Variants in IL1RAPL2 observed in about 807,000 individuals in gnomAD.
IL1RAPL2 encodes the protein X-linked interleukin-1 receptor accessory protein-like 2.
In IL1RAPL2, 3 loss-of-function variants were observed where a neutral mutation model predicts 44.1. The observed-to-expected ratio is 0.07, with a 90% confidence interval of 0.03 to 0.18. The LOEUF is 0.18. Among genes scored for constraint, IL1RAPL2 ranks in the 10% least tolerant of loss-of-function variants. The pLI is 1.00. For missense variants in IL1RAPL2, 391 were observed against 496.4 expected, an observed-to-expected ratio of 0.79 and a Z score of 2.02; for synonymous variants, 181 against 178.8, an observed-to-expected ratio of 1.01 and a Z score of -0.10.
chrX:104,844,690 C>T (rs192540821), intron 2 of IL1RAPL2, among the ~76,000 whole-genome samples: 1 of 112,154 alleles, frequency 8.9e-6, no homozygotes, highest in Admixed American at 9.5e-5. Flanking sequence ...GAGCTTCATT[C>T]ATAACCATCT....
intron 2 of IL1RAPL2, among the ~76,000 whole-genome samples, chrX:104,712,298 C>G (rs1467418526): frequency 9.0e-6 from 1 of 110,623 alleles, no homozygotes; most frequent in African/African-American, 3.3e-5. Context: ...GGCTGAGGGG[C>G]AAAGGTTTGC....
chrX:105,100,601 A>G (rs2032659904), intron 2 of IL1RAPL2, among the ~76,000 whole-genome samples: 1 of 111,675 alleles, frequency 9.0e-6, no homozygotes, highest in Admixed American at 9.5e-5. Flanking sequence ...TTGCCCAGAG[A>G]CAGGTTGATA....
At chrX:105,361,512 A>G (rs186718459) in intron 5 of IL1RAPL2, among the ~76,000 whole-genome samples, 150 of 111,886 alleles carry the variant, frequency 1.3e-3, no homozygotes, top group African/African-American at 4.7e-3. Context: ...GGAGGAAATA[A>G]TAAGAATAGG....
At chrX:104,948,808 G>T (rs1436682658) in intron 2 of IL1RAPL2, among the ~76,000 whole-genome samples, 2 of 109,507 alleles carry the variant, frequency 1.8e-5, no homozygotes, top group Non-Finnish European at 3.8e-5. Flanking sequence ...TGTGCTGCTG[G>T]ATTCGGTTTG....
At chrX:104,681,169 C>T (rs1234479466) in intron 2 of IL1RAPL2, among the ~76,000 whole-genome samples, 1 of 111,897 alleles carries the variant, frequency 8.9e-6, no homozygotes, top group Admixed American at 9.5e-5. Context: ...GGTCTTTCCC[C>T]CTCACATATA....
At chrX:104,796,229 C>T (rs1177195385) in intron 2 of IL1RAPL2, among the ~76,000 whole-genome samples, 1 of 112,031 alleles carries the variant, frequency 8.9e-6, no homozygotes, top group Non-Finnish European at 1.9e-5. Flanking sequence ...TGTAAGAATG[C>T]AACATAAAAA....
chrX:104,905,361 G>C (rs1419700538), intron 2 of IL1RAPL2, among the ~76,000 whole-genome samples: 1 of 111,273 alleles, frequency 9.0e-6, no homozygotes, highest in Non-Finnish European at 1.9e-5. Context: ...TGGTGTTTTA[G>C]ACATGAAGTC....
chrX:105,055,084 A>G (rs1374867343), intron 2 of IL1RAPL2, among the ~76,000 whole-genome samples: 2 of 112,142 alleles, frequency 1.8e-5, no homozygotes, highest in African/African-American at 3.2e-5. Flanking sequence ...TTTGGCTGCT[A>G]TAACAAAGTC....
intron 10 of IL1RAPL2, among the ~76,000 whole-genome samples, chrX:105,766,069 AT>A (rs1358351579): frequency 1.8e-5 from 2 of 112,405 alleles, no homozygotes; most frequent in Admixed American, 1.9e-4. Context: ...TTCCAAAGGG[AT>A]TATTTCATGT....
intron 2 of IL1RAPL2, among the ~76,000 whole-genome samples, chrX:105,101,170 G>C (rs952997845): frequency 1.8e-5 from 2 of 111,836 alleles, no homozygotes; most frequent in African/African-American, 3.2e-5. Context: ...GCTTAGTGAC[G>C]AAAAAAATGG....
intron 3 of IL1RAPL2, among the ~76,000 whole-genome samples, chrX:105,227,347 C>A (rs1556190515): frequency 8.9e-6 from 1 of 111,990 alleles, no homozygotes; most frequent in Admixed American, 9.5e-5. Context: ...GACATATTTA[C>A]AGGCTAGAGA....
At chrX:105,242,631 C>T (rs1461436969) in intron 4 of IL1RAPL2, among the ~76,000 whole-genome samples, 1 of 111,404 alleles carries the variant, frequency 9.0e-6, no homozygotes, top group East Asian at 2.8e-4. Flanking sequence ...ATTTATATCT[C>T]ATAAGCAGAG....
intron 6 of IL1RAPL2, among the ~76,000 whole-genome samples, chrX:105,642,649 G>A (rs1268442969): frequency 2.7e-5 from 3 of 112,030 alleles, no homozygotes; most frequent in East Asian, 2.8e-4. Flanking sequence ...CCACAAAGAC[G>A]AATTTCTACT....
chrX:105,282,425 C>G (rs1321383), intron 5 of IL1RAPL2, among the ~76,000 whole-genome samples: 7,386 of 111,493 alleles, frequency 0.066, 287 homozygotes, highest in South Asian at 0.17. Context: ...AGAAATGTCT[C>G]CATGATTTGT....
chrX:105,217,978 G>A (rs142009674), intron 3 of IL1RAPL2, among the ~76,000 whole-genome samples: 43 of 110,876 alleles, frequency 3.9e-4, no homozygotes, highest in African/African-American at 1.3e-3. Context: ...AGAGCATTAC[G>A]ACAAATATCT....
chrX:105,363,263 TTA>T (rs1325794354), intron 5 of IL1RAPL2, among the ~76,000 whole-genome samples: 2 of 92,858 alleles, frequency 2.2e-5, no homozygotes, highest in South Asian at 4.8e-4. Context: ...ATACATGTGT[TTA>T]TATATATGTG....
At chrX:104,656,789 A>G (rs1212348305) in intron 1 of IL1RAPL2, among the ~76,000 whole-genome samples, 2 of 111,509 alleles carry the variant, frequency 1.8e-5, no homozygotes, top group African/African-American at 6.5e-5. Flanking sequence ...AAAGTCTCCC[A>G]TTATTATTGC....
At chrX:105,106,724 A>G (rs2032748026) in intron 2 of IL1RAPL2, among the ~76,000 whole-genome samples, 1 of 111,879 alleles carries the variant, frequency 8.9e-6, no homozygotes, top group African/African-American at 3.2e-5. Flanking sequence ...AATACCTACA[A>G]CCTAGAGTTT....
intron 2 of IL1RAPL2, among the ~76,000 whole-genome samples, chrX:104,915,516 G>A (rs1602814857): frequency 9.0e-6 from 1 of 111,000 alleles, no homozygotes; most frequent in Non-Finnish European, 1.9e-5. Flanking sequence ...CATTCTGTAG[G>A]TTGCCTGTTC....
Sources: gnomAD v4.1 joint callset for allele counts (sites outside exome capture counted in the v4.1 genomes callset) on GRCh38, gnomAD v4.1.1 for gene constraint, MANE v1.5 for transcripts, NCBI Gene and HGNC (gene_info 2026-07-23, HGNC 2026-07-21) for gene names.